The following DCAF12 variants were observed in gnomAD, a reference collection of about 807,000 sequenced individuals.
DCAF12 encodes the protein DDB1 and CUL4 associated factor 12, also known as DDB1- and CUL4-associated factor 12.
DCAF12 carries 28 observed loss-of-function variants against 52.8 expected under a neutral mutation model. The ratio of observed to expected loss-of-function variants is 0.53; its 90% CI spans 0.39 to 0.73. The LOEUF is 0.73. Ranked by LOEUF, DCAF12 falls within the 30% of genes least tolerant of loss-of-function variation. The pLI, the probability that DCAF12 is intolerant of heterozygous loss-of-function variation, is 0.00. For missense variants in DCAF12, 425 were observed against 552.2 expected (o/e 0.77, Z 2.31); for synonymous variants, 196 against 215.5 (o/e 0.91, Z 0.79).
rs1371317267 is a variant in DCAF12, at chr9:34,125,065, C to T, written c.291G>A (p.Trp97Ter). The change falls in exon 2 of 9, where the codon TGG (tryptophan) becomes TGA (stop). Residue 97 changes from tryptophan to a stop codon, truncating the protein, a stop_gained. Transcript: ENST00000361264. LOFTEE classifies it high-confidence loss of function. Reference sequence around the variant, plus strand: ...CACACACCACTTGCCTATGATTCAACCACTGAGATGCAAACACTTTATTAA... The same window carrying T: ...CACACACCACTTGCCTATGATTCAATCACTGAGATGCAAACACTTTATTAA... ...GTLNKVFASQ[W>*]LNHRQVVCGT... 1.2e-6 allele frequency: 2 copies of T among 1,613,828 alleles called. No homozygotes were observed. Among genetic ancestry groups the T allele is most frequent in the African/African-American group, 1.3e-5 (1 of 74,908 alleles).
rs116939720 is a variant in DCAF12, at chr9:34,094,130, C to G, written c.862-682G>C. ...GATAAGAAGAAGAGAAAAAGCTGGG[C>G]GTGGTGGCTAACGTCTGTAATCCCA... On this transcript the variant is annotated intron_variant, in intron 6 of 8. Transcript: ENST00000361264. Among the ~76,000 whole-genome samples, 415 of 152,216 alleles carry G rather than the reference C, an allele frequency of 2.7e-3. 5 individuals carry two copies. In the East Asian group the frequency reaches 0.033, roughly 12 times the overall value.
At chr9:34,103,901 C>T (rs1186039667) in intron 4 of DCAF12, among the ~76,000 whole-genome samples, 1 of 152,132 alleles carries the variant, frequency 6.6e-6, no homozygotes, top group African/African-American at 2.4e-5. Flanking sequence ...TTCCAGTAAA[C>T]TTATTTGCCA....
At chr9:34,125,558 T>C (rs1829235914) in intron 1 of DCAF12, 1 of 542,900 alleles carries the variant, frequency 1.8e-6, no homozygotes, top group Non-Finnish European at 3.6e-6. Context: ...CTAGACATTT[T>C]AGGAGTGAAA....
intron 2 of DCAF12, among the ~76,000 whole-genome samples, chr9:34,122,473 AT>A (rs762013826): frequency 0.018 from 2,292 of 127,632 alleles, 26 homozygotes; most frequent in African/African-American, 0.051. Context: ...ATTAGTATCA[AT>A]TTTTTTTTTT....
chr9:34,114,788 T>C (rs1368228661), intron 2 of DCAF12, among the ~76,000 whole-genome samples: 1 of 151,984 alleles, frequency 6.6e-6, no homozygotes, highest in Non-Finnish European at 1.5e-5. Flanking sequence ...TAAATGAGTG[T>C]ACACAAAGAC....
At chr9:34,101,794 C>T (rs747400356) in intron 4 of DCAF12, among the ~76,000 whole-genome samples, 10 of 151,788 alleles carry the variant, frequency 6.6e-5, no homozygotes, top group Non-Finnish European at 1.3e-4. Context: ...GTAGGTGGAC[C>T]GCCTGAGCTC....
intron 6 of DCAF12, 84 bp from the exon 7 acceptor site, chr9:34,093,532 G>T: frequency 1.4e-6 from 2 of 1,454,300 alleles, no homozygotes; most frequent in East Asian, 2.3e-5. Context: ...ACCTTGATGG[G>T]CTTCCCTCAT....
rs183048482 is a variant in DCAF12, at chr9:34,107,746, T to C, written c.334-181A>G. On this transcript the variant is annotated intron_variant, in intron 2 of 8. Transcript: ENST00000361264. ...TGACATGAAACATGAAATAAGTCAATATAACACAATATTAGAGATAGCAAT... is the reference window on the plus strand; with the variant it reads ...TGACATGAAACATGAAATAAGTCAACATAACACAATATTAGAGATAGCAAT... 8.9e-4 allele frequency among the ~76,000 whole-genome samples: 135 copies of C among 152,266 alleles called. 1 individual carries two copies. The highest frequency in any genetic ancestry group is 8.8e-5 in the Non-Finnish European group (6 of 68,030).
intron 6 of DCAF12, among the ~76,000 whole-genome samples, chr9:34,095,072 G>A (rs1181319482): frequency 1.4e-5 from 2 of 141,470 alleles, no homozygotes; most frequent in African/African-American, 5.3e-5. Context: ...AAAAGTTTTG[G>A]ACTTTGGAGG....
Position 34,125,010 on chromosome 9 carries a change from C to T in DCAF12, c.333+13G>A. ...CGACCTAGGAGAGAGGTCACATCCC[C>T]CCAGGCACTTACCGTGTTGCATTTT... On this transcript the variant is annotated intron_variant, in intron 2 of 8. Transcript: ENST00000361264. 6.2e-7 allele frequency: 1 copy of T among 1,612,304 alleles called. No homozygotes were observed. Among genetic ancestry groups the T allele is most frequent in the African/African-American group, 1.3e-5 (1 of 74,966 alleles).
chr9:34,098,147 G>A (rs537115318), intron 5 of DCAF12, among the ~76,000 whole-genome samples, 177 bp downstream of exon 5: 25 of 152,270 alleles, frequency 1.6e-4, no homozygotes, highest in South Asian at 1.2e-3. Context: ...AATTGAAGGG[G>A]TGGGTTTCAG....
chr9:34,120,586 G>A (rs1184709919), intron 2 of DCAF12, among the ~76,000 whole-genome samples: 2 of 149,462 alleles, frequency 1.3e-5, no homozygotes, highest in African/African-American at 4.9e-5. Context: ...CACAAGAATC[G>A]CTTGAACCCG....
rs1460192609 is a variant in DCAF12 at position 34,086,833 on chromosome 9, C to T, written c.*1517G>A. The T allele has an allele frequency of 6.6e-6, 1 of 151,996 alleles. No individual in the cohort carries two copies. Among genetic ancestry groups the T allele is most frequent in the Non-Finnish European group, 1.5e-5 (1 of 68,010 alleles). 9.4% of individuals were successfully genotyped at this position (151,996 alleles called of 1,614,324 possible). A position where few individuals can be genotyped will look rare whatever the true frequency, so the allele number is the denominator to read the frequency against. Reference sequence around the variant, plus strand: ...TTTTTTCCAATTTCCCTTCTTACACCCAGAGAAGAGGGGGACAACTGGGAG... The same window carrying T: ...TTTTTTCCAATTTCCCTTCTTACACTCAGAGAAGAGGGGGACAACTGGGAG... On this transcript the variant is annotated 3_prime_UTR_variant, in exon 9 of 9. Transcript: ENST00000361264.
chr9:34,101,470 G>A (rs989979115), intron 4 of DCAF12, among the ~76,000 whole-genome samples: 21 of 151,684 alleles, frequency 1.4e-4, no homozygotes, highest in Admixed American at 1.1e-3. Context: ...TTGGCTCACC[G>A]CAACCTCTGC....
At chr9:34,114,018 G>A (rs938532546) in intron 2 of DCAF12, among the ~76,000 whole-genome samples, 1 of 152,006 alleles carries the variant, frequency 6.6e-6, no homozygotes, top group Non-Finnish European at 1.5e-5. Context: ...TGAGGCAGGA[G>A]AATGGCGTGA....
Position 34,115,352 on chromosome 9 carries a change from G to T in DCAF12, c.334-7787C>A, listed in dbSNP as rs1488791496. Among the ~76,000 whole-genome samples, 3 of 151,188 alleles carry T rather than the reference G, an allele frequency of 2.0e-5. No individual in the cohort carries two copies. In the East Asian group the frequency reaches 5.8e-4, roughly 29 times the overall value. On this transcript the variant is annotated intron_variant, in intron 2 of 8. Coordinates refer to ENST00000361264, the MANE Select transcript of DCAF12 (RefSeq NM_015397.4). ...CACACCTGTAATCCCAGCACTTTGG[G>T]AGGCCGAGGCGGGCGGATCACGAGG...
intron 2 of DCAF12, among the ~76,000 whole-genome samples, chr9:34,115,524 G>A (rs907589472): frequency 6.9e-6 from 1 of 145,348 alleles, no homozygotes; most frequent in East Asian, 1.9e-4. Context: ...ACTTGAACCC[G>A]GTAGGCGGAG....
intron 2 of DCAF12, among the ~76,000 whole-genome samples, chr9:34,114,087 G>A (rs1195387460): frequency 2.7e-5 from 4 of 149,404 alleles, no homozygotes; most frequent in East Asian, 2.1e-4. Flanking sequence ...CAGCCTGGGC[G>A]ACAGGGCAAA....
intron 6 of DCAF12, among the ~76,000 whole-genome samples, chr9:34,095,372 C>CTTTT (rs36066422): frequency 7.7e-5 from 6 of 78,168 alleles, no homozygotes; most frequent in African/African-American, 1.1e-4. Flanking sequence ...CGCGCCAGGC[C>CTTTT]TTTTTTTTTT....
Sources: gnomAD v4.1 joint callset for allele counts (sites outside exome capture counted in the v4.1 genomes callset) on GRCh38, gnomAD v4.1.1 for gene constraint, MANE v1.5 for transcripts, NCBI Gene and HGNC (gene_info 2026-07-23, HGNC 2026-07-21) for gene names.